COL18A1: variants seen among roughly 807,000 people sequenced by gnomAD.
COL18A1 encodes the protein collagen alpha-1(XVIII) chain.
Under a neutral mutation model 168.0 loss-of-function variants are expected in COL18A1, and 133 were observed. The ratio of observed to expected loss-of-function variants is 0.79; its 90% confidence interval spans 0.69 to 0.91. The LOEUF (loss-of-function observed/expected upper bound fraction) is 0.91. COL18A1 is among the 40% of genes least tolerant of loss of function. The pLI is 0.00. For missense variants in COL18A1, 2,126 were observed against 1,925.4 expected, an observed-to-expected ratio of 1.10 and a Z score of -1.95; for synonymous variants, 949 against 809.0, an observed-to-expected ratio of 1.17 and a Z score of -2.94.
chr21:45,480,524 A>C lies in COL18A1; in HGVS notation c.1452+4A>C. On this transcript the variant is annotated splice_donor_region_variant and intron_variant, in intron 12 of 41. Transcript: ENST00000651438. ...GGGCGATCTGGAGGCCCTGCGGGTG[A>C]GTGGCCCTTAAACTGCAGCGCTGCC... 6.2e-7 allele frequency: 1 copy of C among 1,613,886 alleles called. No homozygotes were observed. The highest frequency in any genetic ancestry group is 8.5e-7 in the Non-Finnish European group (1 of 1,179,996).
Position 45,457,922 on chromosome 21 carries a change from C to T in COL18A1, c.107-10320C>T, listed in dbSNP as rs1400056398. On this transcript the variant is annotated intron_variant, in intron 2 of 41. Coordinates refer to ENST00000651438, the MANE Select transcript of COL18A1 (RefSeq NM_001379500.1). The surrounding 1 kb of genome is among the most constrained non-coding windows in gnomAD (Gnocchi z 4.6). ...ACCCACCAGGCTCCGTGAGGGATGA[C>T]GAGCTTGGTGATTCCCCTTGAGTTT... 3.3e-5 allele frequency among the ~76,000 whole-genome samples: 5 copies of T among 152,116 alleles called. No individual in the cohort carries two copies. The highest frequency in any genetic ancestry group is 2.1e-4 in the South Asian group (1 of 4,832).
In COL18A1 at chr21:45,425,675, T is replaced by A. The variant is rs1324155192; in HGVS notation, c.106+20202T>A. Among the ~76,000 whole-genome samples the A allele has an allele frequency of 6.6e-6, 1 of 152,080 alleles. No individual in the cohort carries two copies. Among genetic ancestry groups the A allele is most frequent in the African/African-American group, 2.4e-5 (1 of 41,400 alleles). Reference sequence around the variant, plus strand: ...CCTCCCCGGCTCCTCAGGGGGAGGTTCGGGGCCTTTGGTCTCTGGACTTGG... The same window carrying A: ...CCTCCCCGGCTCCTCAGGGGGAGGTACGGGGCCTTTGGTCTCTGGACTTGG... On this transcript the variant is annotated intron_variant, in intron 2 of 41. Transcript: ENST00000651438. This position sits in a 1 kb window ranked among gnomAD's most constrained non-coding sequence, Gnocchi z 4.1.
intron 38 of COL18A1, among the ~76,000 whole-genome samples, chr21:45,508,439 G>T (rs1380787908): frequency 7.3e-6 from 1 of 137,312 alleles, no homozygotes; most frequent in South Asian, 2.3e-4. Context: ...TGGATGGTGG[G>T]TAAGTGGGTG....
At chr21:45,451,992 C>T (rs1472021226) in intron 2 of COL18A1, among the ~76,000 whole-genome samples, 1 of 152,254 alleles carries the variant, frequency 6.6e-6, no homozygotes, top group African/African-American at 2.4e-5. Context: ...CTCTGGCAGG[C>T]CTGAGGCCGC....
intron 32 of COL18A1, among the ~76,000 whole-genome samples, chr21:45,500,416 T>G (rs2036727844): frequency 9.4e-6 from 1 of 106,244 alleles, no homozygotes; most frequent in Non-Finnish European, 1.9e-5. Flanking sequence ...GTTGGGTGTG[T>G]GGTGTGGGGT....
chr21:45,437,140 A>G lies in COL18A1; in HGVS notation c.107-31102A>G, dbSNP rs1483378400. On this transcript the variant is annotated intron_variant, in intron 2 of 41. Coordinates refer to ENST00000651438, the MANE Select transcript of COL18A1 (RefSeq NM_001379500.1). Reference sequence around the variant, plus strand: ...ACACACAGACACACAGGCACTCTCCACACACACTCACACTCAGACACAGGC... The same window carrying G: ...ACACACAGACACACAGGCACTCTCCGCACACACTCACACTCAGACACAGGC... Among the ~76,000 whole-genome samples, 405 of 69,620 alleles carry G rather than the reference A, an allele frequency of 5.8e-3. 12 individuals are homozygous for G. The highest frequency in any genetic ancestry group is 0.028 in the African/African-American group (340 of 12,300). 45.7% of individuals were successfully genotyped at this position (69,620 alleles called of 152,430 possible).
rs571097252 is a variant in COL18A1 at position 45,492,777 on chromosome 21, C to T, written c.2214+64C>T. On this transcript the variant is annotated intron_variant, in intron 24 of 41. Transcript: ENST00000651438. ...GGGGAGGGGTCTCCACCTGGTAGCA[C>T]AGAGCAGCCCGGTCGAGCTGGGGTG... The T allele has an allele frequency of 5.7e-5, 69 of 1,217,704 alleles. 2 individuals are homozygous for T. In the South Asian group the frequency reaches 8.2e-4, roughly 14 times the overall value. 75.4% of individuals were successfully genotyped at this position (1,217,704 alleles called of 1,614,324 possible).
intron 3 of COL18A1, among the ~76,000 whole-genome samples, chr21:45,469,791 A>G (rs548124216): frequency 6.6e-6 from 1 of 152,348 alleles, no homozygotes; most frequent in African/African-American, 2.4e-5. Context: ...GTTTGTTTGA[A>G]GTTGTTCTAA....
At position 45,505,418 on chromosome 21, in the gene COL18A1, G is replaced by A. The variant is rs752398515; in HGVS notation, c.3074G>A (p.Gly1025Asp). 7.0e-6 allele frequency: 11 copies of A among 1,562,448 alleles called. No individual in the cohort carries two copies. In the Admixed American group the frequency reaches 1.2e-4, roughly 18 times the overall value. ...CCCCCTGGGCCCCCTGGAACCATGG[G>A]CGCCTCCTCAGGGGTAAGTGTCTGG... ...PGPPGPPGTM[G>D]ASSGVRLWAT... Residue 1025 changes from glycine (G) to aspartate (D), a missense_variant, in exon 36 of 42, where the codon GGC (glycine) becomes GAC (aspartate). Physicochemically the swap from Gly to Asp is moderately conservative, Grantham distance 94 (BLOSUM62 -1). Transcript: ENST00000651438.
chr21:45,443,855 G>A lies in COL18A1; in HGVS notation c.107-24387G>A, dbSNP rs981600068. On this transcript the variant is annotated intron_variant, in intron 2 of 41. Coordinates refer to ENST00000651438, the MANE Select transcript of COL18A1 (RefSeq NM_001379500.1). This position sits in a 1 kb window ranked among gnomAD's most constrained non-coding sequence, Gnocchi z 5.2. ...GCCTGCTGCATGATCCCCTAGATGC[G>A]TCCGAGGGACACTGGACATCTGGTG... is the stretch of plus-strand genomic sequence containing the variant. Among the ~76,000 whole-genome samples the A allele has an allele frequency of 1.3e-5, 2 of 152,172 alleles. No homozygotes were observed. Among genetic ancestry groups the A allele is most frequent in the African/African-American group, 4.8e-5 (2 of 41,430 alleles).
At position 45,476,921 on chromosome 21, in the gene COL18A1, T is replaced by TTGTGTGTGTGTG. The variant is rs56196443; in HGVS notation, c.928+460_929-460dup. ...ATGTGTGTGATGTGTATTATGTGTT[T>TTGTGTGTGTGTG]TGTGTGTGTGTGTGTGTGTGTGTGT... On this transcript the variant is annotated intron_variant, in intron 6 of 41. Transcript: ENST00000651438. 3.1e-3 allele frequency among the ~76,000 whole-genome samples: 460 copies of TTGTGTGTGTGTG among 146,946 alleles called. 4 individuals carry two copies. Among genetic ancestry groups the TTGTGTGTGTGTG allele is most frequent in the African/African-American group, 0.011 (435 of 39,940 alleles).
rs1017081450 is a variant in COL18A1 at position 45,423,961 on chromosome 21, C to T, written c.106+18488C>T. On this transcript the variant is annotated intron_variant, in intron 2 of 41. Transcript: ENST00000651438. This position sits in a 1 kb window ranked among gnomAD's most constrained non-coding sequence, Gnocchi z 4.0. ...TCTGAGGCTGTAGGAGCAGCTGCCTCCCAGTGAATTCTGATGCACAGACAG... is the reference window on the plus strand; with the variant it reads ...TCTGAGGCTGTAGGAGCAGCTGCCTTCCAGTGAATTCTGATGCACAGACAG... The T allele has an allele frequency of 2.0e-5, 3 of 152,320 alleles. No individual in the cohort carries two copies. The highest frequency in any genetic ancestry group is 2.1e-4 in the South Asian group (1 of 4,830). The allele number at this position is 152,320 out of a possible 1,614,324, so 9.4% of individuals were successfully genotyped here.
chr21:45,492,455 T>G, intron 22 of COL18A1, 80 bp from the exon 23 acceptor site: 1 of 1,531,054 alleles, frequency 6.5e-7, no homozygotes, highest in South Asian at 1.1e-5. Flanking sequence ...TGGTGTTTTG[T>G]TGATCTGTAA....
At chr21:45,408,851 G>GA (rs1033856738) in intron 2 of COL18A1, among the ~76,000 whole-genome samples, 42 of 152,214 alleles carry the variant, frequency 2.8e-4, no homozygotes, top group Admixed American at 2.1e-3. Flanking sequence ...GAAGCCTAGG[G>GA]ATCCAAAGAA....
intron 2 of COL18A1, among the ~76,000 whole-genome samples, chr21:45,410,784 C>T (rs1389029224): frequency 2.6e-5 from 4 of 152,290 alleles, no homozygotes; most frequent in South Asian, 2.1e-4. Context: ...TTTGGGGTGA[C>T]GTGAGCTGAT....
chr21:45,457,493 C>T lies in COL18A1; in HGVS notation c.107-10749C>T, dbSNP rs2034878480. On this transcript the variant is annotated intron_variant, in intron 2 of 41. Transcript: ENST00000651438. This position sits in a 1 kb window ranked among gnomAD's most constrained non-coding sequence, Gnocchi z 4.6. Reference sequence around the variant, plus strand: ...CCACAGTGGGGGCCGCTTCTGGGCCCAGGGGACGTTGCCCCATCACCGTGT... The same window carrying T: ...CCACAGTGGGGGCCGCTTCTGGGCCTAGGGGACGTTGCCCCATCACCGTGT... Among the ~76,000 whole-genome samples, 1 of 152,198 alleles carries T rather than the reference C, an allele frequency of 6.6e-6. No homozygotes were observed. Among genetic ancestry groups the T allele is most frequent in the African/African-American group, 2.4e-5 (1 of 41,448 alleles).
rs1345018620 is a variant in COL18A1 at position 45,478,254 on chromosome 21, T to C, written c.1222-73T>C. The C allele has an allele frequency of 3.1e-6, 5 of 1,598,162 alleles. No homozygotes were observed. In the African/African-American group the frequency reaches 5.4e-5, roughly 17 times the overall value. ...GTGGGGACTTGGAGCGTGGGGTGCA[T>C]TTCCATGTAGACACTGTAGGTGGCG... On this transcript the variant is annotated intron_variant, in intron 8 of 41. Coordinates refer to ENST00000651438, the MANE Select transcript of COL18A1 (RefSeq NM_001379500.1).
chr21:45,415,739 G>T (rs1054518414), intron 2 of COL18A1, among the ~76,000 whole-genome samples: 1 of 152,250 alleles, frequency 6.6e-6, no homozygotes, highest in Non-Finnish European at 1.5e-5. Flanking sequence ...TGAGGCAAAG[G>T]CGCAGAAGCA....
intron 26 of COL18A1, chr21:45,494,294 T>TGCAC (rs1354434152): frequency 4.1e-6 from 2 of 488,072 alleles, no homozygotes; most frequent in African/African-American, 2.4e-5. Context: ...GGGGCATGCA[T>TGCAC]GCACGCACCA....
Sources: gnomAD v4.1 joint callset for allele counts (sites outside exome capture counted in the v4.1 genomes callset) on GRCh38, gnomAD v4.1.1 for gene constraint, Gnocchi (gnomAD v3.1) non-coding constraint, MANE v1.5 for transcripts, NCBI Gene and HGNC (gene_info 2026-07-23, HGNC 2026-07-21) for gene names.